SLC48A1: variants seen among roughly 807,000 people sequenced by gnomAD.
SLC48A1 encodes solute carrier family 48 member 1, also known as heme transporter HRG1.
SLC48A1 carries 6 observed loss-of-function variants against 14.8 expected under a neutral mutation model. The observed-to-expected ratio is 0.41, with a 90% CI of 0.22 to 0.80. The LOEUF (loss-of-function observed/expected upper bound fraction) is 0.80, where lower values mean the gene tolerates loss of function less well. Ranked by LOEUF, SLC48A1 falls within the 30% of genes least tolerant of loss-of-function variation. The pLI is 0.34. For synonymous variants in SLC48A1, 89 were observed against 90.0 expected, an observed-to-expected ratio of 0.99 and a Z score of 0.06; for missense variants, 165 against 204.8, an observed-to-expected ratio of 0.81 and a Z score of 1.19.
At position 47,780,244 on chromosome 12, in the gene SLC48A1, C is replaced by T; in HGVS notation, c.404C>T (p.Ala135Val). The change falls in exon 3 of 3, where the codon GCT (alanine) becomes GTT (valine). Residue 135 changes from alanine (A) to valine (V), a missense_variant. Ala to Val is a moderately conservative substitution (Grantham distance 64, BLOSUM62 0). Coordinates refer to ENST00000442218, the MANE Select transcript of SLC48A1 (RefSeq NM_017842.3). ...AGCCTCTATGCCCACCGCTACCGGG[C>T]TGACTTTGCTGACATCAGCATCCTC... ...LLSLYAHRYR[A>V]DFADISILSD... 1 of 1,614,264 alleles carries T rather than the reference C, an allele frequency of 6.2e-7. No individual in the cohort carries two copies. Among genetic ancestry groups the T allele is most frequent in the Non-Finnish European group, 8.5e-7 (1 of 1,180,046 alleles).
At chr12:47,758,245 T>A (rs1942218198), upstream of SLC48A1, 4 of 1,433,686 alleles carry the variant, frequency 2.8e-6, no homozygotes, top group Non-Finnish European at 3.6e-6. Context: ...AGACCTTCAC[T>A]GGGGCCTGCC....
At chr12:47,775,054 C>T (rs556066649) in intron 1 of SLC48A1, among the ~76,000 whole-genome samples, 1 of 152,282 alleles carries the variant, frequency 6.6e-6, no homozygotes, top group African/African-American at 2.4e-5. Context: ...TGGCCTGGTA[C>T]AAGTGGAGGT....
upstream of SLC48A1, among the ~76,000 whole-genome samples, chr12:47,754,907 G>A (rs977601520): frequency 6.6e-6 from 1 of 152,202 alleles, no homozygotes; most frequent in East Asian, 1.9e-4. Flanking sequence ...CACCAGCACT[G>A]TGGCCTGCCC....
chr12:47,759,144 C>G (rs1942280800), intron 1 of SLC48A1: 5 of 979,444 alleles, frequency 5.1e-6, no homozygotes, highest in Non-Finnish European at 6.1e-6. Context: ...TGTCAGGGAT[C>G]CGGCGGTGAG....
intron 2 of SLC48A1, among the ~76,000 whole-genome samples, chr12:47,766,362 C>G (rs1025227623): frequency 1.3e-5 from 2 of 152,116 alleles, no homozygotes; most frequent in Admixed American, 6.5e-5. Flanking sequence ...TGCAACCTGC[C>G]CTTCTCCTGC....
chr12:47,780,002 C>A, intron 2 of SLC48A1, 143 bp from the exon 3 acceptor site: 2 of 1,064,232 alleles, frequency 1.9e-6, no homozygotes, highest in Non-Finnish European at 2.6e-6. Context: ...AAACCTCCAT[C>A]ACAGTGTCTT....
chr12:47,769,171 C>T (rs952736892), upstream of SLC48A1: 4 of 152,226 alleles, frequency 2.6e-5, no homozygotes, highest in East Asian at 1.9e-4. Flanking sequence ...CCATGGCATC[C>T]GTTTGACTGC....
At chr12:47,770,784 G>A (rs1402508113), upstream of SLC48A1, 1 of 456,618 alleles carries the variant, frequency 2.2e-6, no homozygotes, top group Non-Finnish European at 4.4e-6. Context: ...GGCCCTTTAT[G>A]TTCAGAACCT....
intron 1 of SLC48A1, 171 bp from the exon 2 acceptor site, chr12:47,778,857 G>GTC (rs1942804373): frequency 1.9e-5 from 13 of 679,882 alleles, no homozygotes; most frequent in Non-Finnish European, 2.8e-5. Flanking sequence ...AGGCAGCTCA[G>GTC]TCTCTTACCT....
In SLC48A1 at chr12:47,780,598, ACT is replaced by A. The variant is rs1565783523; in HGVS notation, c.*320_*321del. 2.5e-6 allele frequency: 1 copy of A among 399,576 alleles called. No homozygotes were observed. Among genetic ancestry groups the A allele is most frequent in the Admixed American group, 3.5e-5 (1 of 28,342 alleles). The allele number at this position is 399,576 out of a possible 1,614,324, so 24.8% of individuals were successfully genotyped here. ...TTTTTTTTTTTTGAGATGGAGTCTTACTCTGTCACCCAGGCTGGAGTGCAGTA... is the reference window on the plus strand; with the variant it reads ...TTTTTTTTTTTTGAGATGGAGTCTTACTGTCACCCAGGCTGGAGTGCAGTA... On this transcript the variant is annotated 3_prime_UTR_variant, in exon 3 of 3. Coordinates refer to ENST00000442218, the MANE Select transcript of SLC48A1 (RefSeq NM_017842.3).
At chr12:47,771,059 C>G (rs944259659), upstream of SLC48A1, 27 of 382,498 alleles carry the variant, frequency 7.1e-5, no homozygotes, top group Admixed American at 6.6e-4. Flanking sequence ...GCTGAGCTCA[C>G]AGCCTTGACA....
chr12:47,759,216 G>C lies in SLC48A1; in HGVS notation c.-373+556G>C, dbSNP rs541557895. ...TGCAAACAAGGAAACCGGGGAGAGC[G>C]GGGAGGGGGTGAGTCACTGCGGCCT... On this transcript the variant is annotated intron_variant, in intron 1 of 4. Coordinates refer to the SLC48A1 transcript ENST00000547002. 137 of 584,034 alleles carry C rather than the reference G, an allele frequency of 2.3e-4. 1 individual carries two copies. The African/African-American group carries it at 2.5e-3, about 11-fold the overall frequency. The allele number at this position is 584,034 out of a possible 1,614,324, so 36.2% of individuals were successfully genotyped here.
Position 47,777,209 on chromosome 12 carries a change from C to T in SLC48A1, c.137-1819C>T, listed in dbSNP as rs142268165. The stretch of plus-strand genomic sequence containing the variant: ...GAAGCTGCAGGATGATTGTCCTGTC[C>T]ACCTCTGGCCCACTCCAGCATCCAG... On this transcript the variant is annotated intron_variant, in intron 1 of 2. Transcript: ENST00000442218. The surrounding 1 kb of genome is among the most constrained non-coding windows in gnomAD (Gnocchi z 4.5). Among the ~76,000 whole-genome samples the T allele has an allele frequency of 9.2e-5, 14 of 152,312 alleles. No individual in the cohort carries two copies. The highest frequency in any genetic ancestry group is 3.4e-4 in the African/African-American group (14 of 41,574).
chr12:47,763,343 T>C (rs1386953884), intron 2 of SLC48A1, among the ~76,000 whole-genome samples: 1 of 152,078 alleles, frequency 6.6e-6, no homozygotes, highest in Non-Finnish European at 1.5e-5. Context: ...CTAATAGGCC[T>C]CCCATGGGAC....
chr12:47,776,164 C>T (rs918152581), intron 1 of SLC48A1, among the ~76,000 whole-genome samples: 2 of 152,194 alleles, frequency 1.3e-5, no homozygotes, highest in African/African-American at 2.4e-5. Context: ...TGGGATCCCC[C>T]GGGTGTCTCC....
At chr12:47,759,442 T>C (rs918335358) in intron 1 of SLC48A1, among the ~76,000 whole-genome samples, 1 of 70,056 alleles carries the variant, frequency 1.4e-5, no homozygotes, top group Non-Finnish European at 3.1e-5. Flanking sequence ...CCGGGAGCAG[T>C]TGAGGAAACT....
upstream of SLC48A1, among the ~76,000 whole-genome samples, chr12:47,772,570 T>G (rs529965434): frequency 6.6e-6 from 1 of 152,208 alleles, no homozygotes; most frequent in East Asian, 1.9e-4. Flanking sequence ...TCCTGGCTGC[T>G]TGGAAGGCTG....
chr12:47,768,560 A>T (rs747945723), upstream of SLC48A1: 1 of 152,250 alleles, frequency 6.6e-6, no homozygotes, highest in Non-Finnish European at 1.5e-5. Flanking sequence ...CAGGGACATC[A>T]GAGGTCTCTC....
rs988685190 is a variant in SLC48A1 at position 47,761,671 on chromosome 12, T to A, written c.-187+1270T>A. Reference sequence around the variant, plus strand: ...GTCTGAGGAACACATGCAAGCAAGATGGTAACAATCATGCCATGTCCTGGT... The same window carrying A: ...GTCTGAGGAACACATGCAAGCAAGAAGGTAACAATCATGCCATGTCCTGGT... On this transcript the variant is annotated intron_variant, in intron 2 of 4. Coordinates refer to the SLC48A1 transcript ENST00000547002. Among the ~76,000 whole-genome samples, 5 of 152,346 alleles carry A rather than the reference T, an allele frequency of 3.3e-5. No individual in the cohort carries two copies. The East Asian group carries it at 9.6e-4, about 29-fold the overall frequency.
Sources: allele counts gnomAD v4.1 joint callset (sites outside exome capture counted in the v4.1 genomes callset), GRCh38; gene constraint gnomAD v4.1.1; non-coding constraint Gnocchi (gnomAD v3.1); transcripts MANE v1.5; gene names NCBI Gene and HGNC (gene_info 2026-07-23, HGNC 2026-07-21).